Variants in GPM6A observed in about 807,000 individuals in gnomAD.
GPM6A encodes the protein neuronal membrane glycoprotein M6-a.
In GPM6A, 7 loss-of-function variants were observed where a neutral mutation model predicts 32.1. The observed-to-expected ratio is 0.22, with a 90% CI of 0.12 to 0.41. GPM6A has a LOEUF of 0.41. GPM6A is among the 10% of genes least tolerant of loss of function. The pLI, the probability that GPM6A is intolerant of heterozygous loss-of-function variation, is 1.00. For missense variants in GPM6A, 235 were observed against 347.2 expected (o/e 0.68, Z 2.57); for synonymous variants, 130 against 123.4 (o/e 1.05, Z -0.35).
chr4:175,675,423 T>C (rs1040451901), intron 2 of GPM6A, among the ~76,000 whole-genome samples: 10 of 152,108 alleles, frequency 6.6e-5, no homozygotes, highest in Non-Finnish European at 1.3e-4. Context: ...ATTAATTATA[T>C]ACATTTCTTT....
intron 3 of GPM6A, among the ~76,000 whole-genome samples, chr4:175,663,379 G>C (rs1278822094): frequency 6.6e-6 from 1 of 152,194 alleles, no homozygotes; most frequent in Non-Finnish European, 1.5e-5. Context: ...GTGAGCTGGA[G>C]GTGATGGGGT....
chr4:175,816,953 G>A (rs187893635), upstream of GPM6A, among the ~76,000 whole-genome samples: 578 of 151,908 alleles, frequency 3.8e-3, 6 homozygotes, highest in Admixed American at 0.01. Context: ...TCCGCCTCCC[G>A]GGTTCACGCC....
At position 175,870,627 on chromosome 4, in the gene GPM6A, A is replaced by G. The variant is rs2111437755; in HGVS notation, c.-22-58378T>C. 1.3e-5 allele frequency among the ~76,000 whole-genome samples: 2 copies of G among 152,204 alleles called. 1 individual carries two copies. ...TCCTCTTTTAAATATATTCTCTTAC[A>G]CTACATCGCTTCTCTCCTTTAACTT... On this transcript the variant is annotated intron_variant, in intron 1 of 7. Coordinates refer to the GPM6A transcript ENST00000280187.
intron 4 of GPM6A, among the ~76,000 whole-genome samples, chr4:175,643,025 T>C (rs1353335785): frequency 1.3e-5 from 2 of 152,144 alleles, no homozygotes; most frequent in African/African-American, 4.8e-5. Flanking sequence ...ATTCTCTTTT[T>C]TCCCCCGCAA....
chr4:175,661,968 G>A lies in GPM6A; in HGVS notation c.388-9981C>T, dbSNP rs148972816. Among the ~76,000 whole-genome samples, 142 of 151,946 alleles carry A rather than the reference G, an allele frequency of 9.3e-4. 1 individual carries two copies. In the East Asian group the frequency reaches 0.025, roughly 27 times the overall value. On this transcript the variant is annotated intron_variant, in intron 3 of 6. Transcript: ENST00000393658. ...AAAAATGCTACTTGAATACTTTTTG[G>A]CACATTCAATAGAAATAAAACAGAA...
intron 1 of GPM6A, among the ~76,000 whole-genome samples, chr4:175,793,302 C>T (rs1734083483): frequency 6.6e-6 from 1 of 152,144 alleles, no homozygotes; most frequent in South Asian, 2.1e-4. Flanking sequence ...ACCGTCCCTA[C>T]CTCACAGCAA....
At position 175,637,286 on chromosome 4, in the gene GPM6A, TAA is replaced by T. The variant is rs1491189744; in HGVS notation, c.685-2231_685-2230del. Among the ~76,000 whole-genome samples the T allele has an allele frequency of 7.0e-4, 20 of 28,646 alleles. 1 individual carries two copies. The highest frequency in any genetic ancestry group is 1.8e-3 in the African/African-American group (15 of 8,250). 18.8% of individuals were successfully genotyped at this position (28,646 alleles called of 152,430 possible). A position where few individuals can be genotyped will look rare whatever the true frequency, so the allele number is the denominator to read the frequency against. On this transcript the variant is annotated intron_variant, in intron 6 of 6. Coordinates refer to ENST00000393658, the MANE Select transcript of GPM6A (RefSeq NM_201591.3). ...TATATATTATATATTATATATTATATAAAATATATATTATATATTATATATAA... is the reference window on the plus strand; with the variant it reads ...TATATATTATATATTATATATTATATAATATATATTATATATTATATATAA...
intron 1 of GPM6A, among the ~76,000 whole-genome samples, chr4:175,705,270 T>C (rs1745110451): frequency 6.6e-6 from 1 of 152,234 alleles, no homozygotes; most frequent in African/African-American, 2.4e-5. Context: ...AACAGTATTA[T>C]TTAAATCTCT....
intron 2 of GPM6A, among the ~76,000 whole-genome samples, chr4:175,697,395 A>G (rs112621104): frequency 0.047 from 7,176 of 152,192 alleles, 203 homozygotes; most frequent in Non-Finnish European, 0.063. Flanking sequence ...AGTCTGAATC[A>G]CAATTTTTCT....
At chr4:175,677,839 A>G (rs1043784863) in intron 2 of GPM6A, among the ~76,000 whole-genome samples, 2 of 152,188 alleles carry the variant, frequency 1.3e-5, no homozygotes, top group African/African-American at 4.8e-5. Flanking sequence ...CACCATATCC[A>G]AATGTACCAG....
At chr4:175,976,798 C>T (rs904504288) in intron 1 of GPM6A, among the ~76,000 whole-genome samples, 9 of 152,126 alleles carry the variant, frequency 5.9e-5, no homozygotes, top group Non-Finnish European at 1.2e-4. Context: ...GAACCACCCA[C>T]ACAGAGAAAT....
chr4:175,755,947 C>T (rs1374914704), intron 1 of GPM6A, among the ~76,000 whole-genome samples: 1 of 151,984 alleles, frequency 6.6e-6, no homozygotes, highest in Non-Finnish European at 1.5e-5. Context: ...AAACTGAAGA[C>T]AGAAAGGCAA....
chr4:175,938,145 A>C (rs534084891), intron 1 of GPM6A, among the ~76,000 whole-genome samples: 1 of 152,208 alleles, frequency 6.6e-6, no homozygotes, highest in Admixed American at 6.5e-5. Flanking sequence ...AAAGAAAAGA[A>C]ATAAGTTCTA....
At chr4:175,789,404 G>A (rs1003572429) in intron 1 of GPM6A, among the ~76,000 whole-genome samples, 1 of 151,890 alleles carries the variant, frequency 6.6e-6, no homozygotes, top group Non-Finnish European at 1.5e-5. Context: ...TGATTGTCTT[G>A]GCAACTAAAC....
chr4:175,891,355 T>G (rs879484917), intron 1 of GPM6A: 2 of 152,202 alleles, frequency 1.3e-5, no homozygotes, highest in African/African-American at 2.4e-5. Context: ...ATTCTTCCCT[T>G]CTTTTAGGTA....
intron 2 of GPM6A, among the ~76,000 whole-genome samples, chr4:175,674,584 G>A (rs1326948724): frequency 2.0e-5 from 3 of 152,114 alleles, no homozygotes; most frequent in Non-Finnish European, 2.9e-5. Context: ...ACATTAAAAG[G>A]GAAGGAAGCT....
chr4:175,709,650 C>A (rs1745420152), intron 1 of GPM6A, among the ~76,000 whole-genome samples: 1 of 151,100 alleles, frequency 6.6e-6, no homozygotes, highest in African/African-American at 2.4e-5. Flanking sequence ...ATCGCTTGAA[C>A]CCGGGAGGTG....
At chr4:175,885,913 A>T (rs1205409681) in intron 1 of GPM6A, among the ~76,000 whole-genome samples, 1 of 152,208 alleles carries the variant, frequency 6.6e-6, no homozygotes, top group African/African-American at 2.4e-5. Flanking sequence ...ACAGCAATTT[A>T]CACAGACCAC....
chr4:175,746,203 T>C (rs921335905), intron 1 of GPM6A, among the ~76,000 whole-genome samples: 6 of 152,182 alleles, frequency 3.9e-5, no homozygotes, highest in African/African-American at 1.4e-4. Flanking sequence ...GCATTCTAGA[T>C]TGCTAAAAGG....
Sources: gnomAD v4.1 joint callset for allele counts (sites outside exome capture counted in the v4.1 genomes callset) on GRCh38, gnomAD v4.1.1 for gene constraint, MANE v1.5 for transcripts, NCBI Gene and HGNC (gene_info 2026-07-23, HGNC 2026-07-21) for gene names.